The following ATP9A variants were observed in gnomAD, a reference collection of about 807,000 sequenced individuals.
ATP9A encodes the protein probable phospholipid-transporting ATPase IIA.
ATP9A carries 52 observed loss-of-function variants against 144.1 expected under a neutral mutation model. The observed-to-expected ratio is 0.36, with a 90% CI of 0.29 to 0.45. The LOEUF (loss-of-function observed/expected upper bound fraction) is 0.45, where lower values mean the gene tolerates loss of function less well. ATP9A is among the 20% of genes least tolerant of loss of function. ATP9A has a pLI of 1.00. For synonymous variants in ATP9A, 582 were observed against 557.4 expected (o/e 1.04, Z -0.62); for missense variants, 947 against 1,392.7 (o/e 0.68, Z 5.09).
chr20:51,741,403 C>A (rs2077784763), intron 1 of ATP9A, among the ~76,000 whole-genome samples: 1 of 152,086 alleles, frequency 6.6e-6, no homozygotes, highest in African/African-American at 2.4e-5. Context: ...CATGGAGAAA[C>A]CCCATCTCTA....
At position 51,627,629 on chromosome 20, in the gene ATP9A, G is replaced by T. The variant is rs2077254734; in HGVS notation, c.1816C>A (p.Leu606Ile). The change falls in exon 17 of 28, where the codon CTT becomes ATT. Residue 606 changes from leucine to isoleucine, a missense_variant. By Grantham distance (5) the Leu-to-Ile change is conservative. Around this residue, in one of 2 missense-constraint regions of ATP9A, gnomAD observed 770 missense variants for 1,047.9 expected, o/e 0.73. Coordinates refer to ENST00000338821, the MANE Select transcript of ATP9A (RefSeq NM_006045.3). ...AAGTCCTGATACTGCTCCTCTGCAA[G>T]AGACTTCTTTGCCACCACGAGCACC... ...LRVLVVAKKSLAEEQYQDFEA... is the reference protein window; with the variant it reads ...LRVLVVAKKSIAEEQYQDFEA... 1 of 1,614,066 alleles carries T rather than the reference G, an allele frequency of 6.2e-7. No individual in the cohort carries two copies. The highest frequency in any genetic ancestry group is 8.5e-7 in the Non-Finnish European group (1 of 1,180,018).
chr20:51,669,936 T>C, intron 13 of ATP9A, 61 bp downstream of exon 13: 2 of 1,076,374 alleles, frequency 1.9e-6, no homozygotes, highest in Non-Finnish European at 1.4e-6. Context: ...TACATCTCAA[T>C]ATAGCTGTTA....
intron 1 of ATP9A, among the ~76,000 whole-genome samples, chr20:51,749,424 C>G (rs943842159): frequency 3.9e-5 from 6 of 152,068 alleles, no homozygotes; most frequent in Non-Finnish European, 8.8e-5. Context: ...CACCACCATG[C>G]CCAGCTAAGT....
At chr20:51,637,306 T>TAAAAAA (rs3029335) in intron 15 of ATP9A, among the ~76,000 whole-genome samples, 31 of 89,978 alleles carry the variant, frequency 3.4e-4, no homozygotes, top group East Asian at 9.8e-4. Context: ...TCCCTAACAT[T>TAAAAAA]AAAAAAAAAA....
At position 51,619,565 on chromosome 20, in the gene ATP9A, A is replaced by T. The variant is rs1292115538; in HGVS notation, c.2116-522T>A. Among the ~76,000 whole-genome samples the T allele has an allele frequency of 5.9e-4, 23 of 39,230 alleles. 1 individual carries two copies. The highest frequency in any genetic ancestry group is 6.2e-4 in the Non-Finnish European group (10 of 16,214). The allele number at this position is 39,230 out of a possible 152,430, so 25.7% of individuals were successfully genotyped here. On this transcript the variant is annotated intron_variant, in intron 19 of 27. Transcript: ENST00000338821. ...GGCAACAGAGCAAGACTCGTCTTTTAAAAAAAAAAAAGGGGGGGGGGGGCC... is the reference window on the plus strand; with the variant it reads ...GGCAACAGAGCAAGACTCGTCTTTTTAAAAAAAAAAAGGGGGGGGGGGGCC...
At chr20:51,708,570 A>G (rs1011040165) in intron 4 of ATP9A, among the ~76,000 whole-genome samples, 1 of 151,856 alleles carries the variant, frequency 6.6e-6, no homozygotes, top group Non-Finnish European at 1.5e-5. Context: ...CCTCGTCTCT[A>G]TTAAAAATAC....
intron 1 of ATP9A, among the ~76,000 whole-genome samples, chr20:51,751,688 C>CGCCAT (rs1327743658): frequency 1.3e-5 from 2 of 152,052 alleles, no homozygotes; most frequent in Non-Finnish European, 2.9e-5. Flanking sequence ...CCCGGGTTCA[C>CGCCAT]GCCATTCTCC....
chr20:51,717,280 T>C (rs906669894), intron 3 of ATP9A, among the ~76,000 whole-genome samples: 5 of 151,058 alleles, frequency 3.3e-5, no homozygotes, highest in African/African-American at 1.2e-4. Flanking sequence ...ACTTTCAGAG[T>C]GGCTAGAAGA....
intron 1 of ATP9A, among the ~76,000 whole-genome samples, chr20:51,741,903 C>G (rs767459485): frequency 6.6e-6 from 1 of 152,232 alleles, no homozygotes; most frequent in Non-Finnish European, 1.5e-5. Flanking sequence ...AATGCACAGA[C>G]AACCTCCACA....
intron 14 of ATP9A, among the ~76,000 whole-genome samples, chr20:51,647,473 C>T (rs1326268546): frequency 6.6e-6 from 1 of 152,120 alleles, no homozygotes; most frequent in African/African-American, 2.4e-5. Context: ...ATCCCTTAAA[C>T]CCGGGAGGCG....
rs112798749 is a variant in ATP9A at position 51,712,354 on chromosome 20, G to A, written c.436+612C>T. On this transcript the variant is annotated intron_variant, in intron 4 of 27. Transcript: ENST00000338821. ...CTCCCAAAGTGCTGGGATTACAGGC[G>A]TGAGCCACTGTACTGGGCCAAAATT... is the stretch of plus-strand genomic sequence containing the variant. Among the ~76,000 whole-genome samples, 1,113 of 152,266 alleles carry A rather than the reference G, an allele frequency of 7.3e-3. 9 individuals carry two copies. Among genetic ancestry groups the A allele is most frequent in the African/African-American group, 0.025 (1,025 of 41,548 alleles).
In ATP9A at chr20:51,597,631, A is replaced by C. The variant is rs1406872054; in HGVS notation, c.*3580T>G. The C allele has an allele frequency of 6.6e-6, 1 of 152,200 alleles. No individual in the cohort carries two copies. The highest frequency in any genetic ancestry group is 1.5e-5 in the Non-Finnish European group (1 of 68,050). The allele number at this position is 152,200 out of a possible 1,614,324, so 9.4% of individuals were successfully genotyped here. The stretch of plus-strand genomic sequence containing the variant: ...AGTAGGATGGAGCAGAAGAATGTAC[A>C]TGTCCCATTTGCAATTTTGGCAAAG... On this transcript the variant is annotated 3_prime_UTR_variant, in exon 28 of 28. Transcript: ENST00000338821.
At chr20:51,706,189 G>A (rs1601116962) in intron 4 of ATP9A, among the ~76,000 whole-genome samples, 1 of 152,194 alleles carries the variant, frequency 6.6e-6, no homozygotes, top group Non-Finnish European at 1.5e-5. Flanking sequence ...AAGGCTGAAC[G>A]CTGTAGCAGT....
intron 14 of ATP9A, among the ~76,000 whole-genome samples, chr20:51,646,104 A>G (rs1249467365): frequency 6.6e-6 from 1 of 152,236 alleles, no homozygotes; most frequent in East Asian, 1.9e-4. Context: ...TTTGGGTGAC[A>G]AGAAACCAAA....
rs552933914 is a variant in ATP9A, at chr20:51,712,325, C to T, written c.436+641G>A. Among the ~76,000 whole-genome samples, 80 of 152,250 alleles carry T rather than the reference C, an allele frequency of 5.3e-4. 2 individuals carry two copies. Among genetic ancestry groups the T allele is most frequent in the Middle Eastern group, 6.8e-3 (2 of 294 alleles). ...TCCGGACCTTGTGATCAGCCCGCCT[C>T]GGCCTCCCAAAGTGCTGGGATTACA... On this transcript the variant is annotated intron_variant, in intron 4 of 27. Transcript: ENST00000338821.
chr20:51,742,231 C>G (rs141528426), intron 1 of ATP9A, among the ~76,000 whole-genome samples: 2 of 150,868 alleles, frequency 1.3e-5, no homozygotes, highest in East Asian at 2.0e-4. Flanking sequence ...GGGCTAAGGA[C>G]GAAGGATTGC....
At chr20:51,617,852 A>T (rs990613213) in intron 21 of ATP9A, among the ~76,000 whole-genome samples, 1 of 152,224 alleles carries the variant, frequency 6.6e-6, no homozygotes, top group African/African-American at 2.4e-5. Context: ...GGGATACCCC[A>T]GGATTACCAT....
chr20:51,649,311 G>A (rs1234823038), intron 14 of ATP9A, among the ~76,000 whole-genome samples: 1 of 152,162 alleles, frequency 6.6e-6, no homozygotes, highest in African/African-American at 2.4e-5. Flanking sequence ...ATTGTGGGTT[G>A]CATAGTCCAG....
At chr20:51,644,592 G>A (rs951695514) in intron 14 of ATP9A, among the ~76,000 whole-genome samples, 6 of 151,842 alleles carry the variant, frequency 4.0e-5, no homozygotes, top group African/African-American at 1.2e-4. Flanking sequence ...CTATACCACC[G>A]AAATGTTTCA....
Sources: gnomAD v4.1 joint callset for allele counts (sites outside exome capture counted in the v4.1 genomes callset) on GRCh38, gnomAD v4.1.1 for gene constraint, gnomAD v4.1.1 regional missense constraint, MANE v1.5 for transcripts, NCBI Gene and HGNC (gene_info 2026-07-23, HGNC 2026-07-21) for gene names.